The following SH2B2 variants were observed in gnomAD, a reference collection of about 807,000 sequenced individuals.
SH2B2 encodes SH2B adapter protein 2.
In SH2B2, 37 loss-of-function variants were observed where a neutral mutation model predicts 35.7. That is an observed-to-expected ratio of 1.04 (90% confidence interval 0.80 to 1.36). The LOEUF (loss-of-function observed/expected upper bound fraction) is 1.36. Among genes scored for constraint, SH2B2 ranks in the 40% most tolerant of loss-of-function variants. SH2B2 has a pLI of 0.00. For missense variants in SH2B2, 852 were observed against 817.7 expected (o/e 1.04, Z -0.51); for synonymous variants, 383 against 376.4 (o/e 1.02, Z -0.20).
chr7:102,316,486 C>G (rs1283747733), intron 6 of SH2B2, among the ~76,000 whole-genome samples: 1 of 152,084 alleles, frequency 6.6e-6, no homozygotes, highest in Non-Finnish European at 1.5e-5. Flanking sequence ...ACTTGGGAGG[C>G]TGAGGCAGGA....
intron 1 of SH2B2, among the ~76,000 whole-genome samples, chr7:102,288,647 G>T (rs1285521472): frequency 6.6e-6 from 1 of 152,132 alleles, no homozygotes; most frequent in Non-Finnish European, 1.5e-5. Flanking sequence ...TTGGAAGTGG[G>T]ATCTCCACCC....
intron 1 of SH2B2, among the ~76,000 whole-genome samples, chr7:102,290,241 C>T (rs1039589603): frequency 6.9e-6 from 1 of 145,244 alleles, no homozygotes; most frequent in Non-Finnish European, 1.5e-5. Flanking sequence ...CCATACCCCC[C>T]TTTTTTTTTT....
intron 1 of SH2B2, among the ~76,000 whole-genome samples, chr7:102,295,329 ACCG>A (rs1792859432): frequency 6.6e-6 from 1 of 152,148 alleles, no homozygotes; most frequent in Non-Finnish European, 1.5e-5. Flanking sequence ...AGAGGTGGCC[ACCG>A]TCAGGAGCAC....
intron 7 of SH2B2, among the ~76,000 whole-genome samples, chr7:102,318,289 C>T (rs868954574): frequency 2.0e-5 from 3 of 152,082 alleles, no homozygotes; most frequent in African/African-American, 7.2e-5. Flanking sequence ...CAGACACGTA[C>T]CACCACACCT....
At chr7:102,301,902 G>C (rs574576614) in intron 2 of SH2B2, among the ~76,000 whole-genome samples, 10 of 152,144 alleles carry the variant, frequency 6.6e-5, no homozygotes, top group African/African-American at 1.9e-4. Context: ...GACAGGGGCC[G>C]TCACTCAGGC....
intron 1 of SH2B2, among the ~76,000 whole-genome samples, chr7:102,289,727 G>C (rs1554551427): frequency 6.6e-6 from 1 of 151,964 alleles, no homozygotes; most frequent in African/African-American, 2.4e-5. Flanking sequence ...GCACTAAGGG[G>C]GTATCCTGCA....
chr7:102,288,008 C>T (rs1240181691), intron 1 of SH2B2, among the ~76,000 whole-genome samples: 1 of 152,184 alleles, frequency 6.6e-6, no homozygotes, highest in African/African-American at 2.4e-5. Context: ...CTACCAATGC[C>T]CCCGAGCCAA....
At chr7:102,295,176 C>T (rs1023294933) in intron 1 of SH2B2, among the ~76,000 whole-genome samples, 25 of 152,148 alleles carry the variant, frequency 1.6e-4, no homozygotes, top group African/African-American at 2.2e-4. Context: ...GTCTAGGACT[C>T]GGCACTGGGG....
At chr7:102,318,946 A>AC (rs1281646302) in intron 7 of SH2B2, among the ~76,000 whole-genome samples, 2 of 152,152 alleles carry the variant, frequency 1.3e-5, no homozygotes. Flanking sequence ...GGATGGGGGA[A>AC]CAAAGGGTGG....
chr7:102,321,502 AGC>A lies in SH2B2; in HGVS notation c.1777_1778del (p.Arg593GlufsTer?). ...APPRPVEGQL[S>X]ARSRSNSAER... ...CCCGCGCCCCGTCGAGGGCCAGCTC[AGC>A]GCGCGGAGCCGCAGCAACAGCGCCG... On this transcript the variant is annotated frameshift_variant, in exon 9 of 9. Coordinates refer to ENST00000444095, the MANE Select transcript of SH2B2 (RefSeq NM_001359228.2). LOFTEE classifies it low-confidence loss of function (END_TRUNC). The A allele has an allele frequency of 8.7e-7, 1 of 1,151,980 alleles. No homozygotes were observed. The highest frequency in any genetic ancestry group is 1.1e-6 in the Non-Finnish European group (1 of 936,442). The allele number at this position is 1,151,980 out of a possible 1,614,324, so 71.4% of individuals were successfully genotyped here. A position where few individuals can be genotyped will look rare whatever the true frequency, so the allele number is the denominator to read the frequency against.
chr7:102,317,014 C>A, intron 6 of SH2B2, 173 bp from the exon 7 acceptor site: 1 of 591,802 alleles, frequency 1.7e-6, no homozygotes, highest in Non-Finnish European at 2.9e-6. Context: ...AAGAGCGAAA[C>A]TTCGTCTCAA....
intron 6 of SH2B2, 64 bp from the exon 7 acceptor site, chr7:102,317,123 A>T: frequency 4.5e-6 from 6 of 1,323,818 alleles, no homozygotes; most frequent in Non-Finnish European, 6.3e-6. Flanking sequence ...CTCTTCTCAC[A>T]TTTATTTATT....
At position 102,301,192 on chromosome 7, in the gene SH2B2, C is replaced by T. The variant is rs782628344; in HGVS notation, c.642C>T (p.Gly214=). 2.5e-6 allele frequency: 4 copies of T among 1,587,848 alleles called. No homozygotes were observed. The highest frequency in any genetic ancestry group is 2.6e-6 in the Non-Finnish European group (3 of 1,169,096). The change falls in exon 2 of 9, where the codon GGC becomes GGT. Residue 214 remains glycine (G), a synonymous_variant. Coordinates refer to ENST00000444095, the MANE Select transcript of SH2B2 (RefSeq NM_001359228.2). ...VADDAAAGSG[G]SAQWQKCRLL... is the part of the protein sequence containing the mutation. ...ACGACGCGGCCGCGGGCTCCGGGGG[C>T]TCGGCTCAGTGGCAGAAGTGCCGCC...
upstream of SH2B2, chr7:102,285,153 C>T: frequency 3.2e-6 from 5 of 1,547,808 alleles, no homozygotes; most frequent in South Asian, 1.2e-5. Context: ...TTCTTCCTCC[C>T]TGGGGATGGA....
chr7:102,286,826 C>G (rs1318804640), upstream of SH2B2: 4 of 1,168 alleles, frequency 3.4e-3, no homozygotes, highest in Non-Finnish European at 6.7e-3. Context: ...GGGGCGGGGG[C>G]GGGGCGGGGC....
rs1426202125 is a variant in SH2B2 at position 102,297,041 on chromosome 7, C to T, written c.-29-3481C>T. Among the ~76,000 whole-genome samples, 1 of 152,110 alleles carries T rather than the reference C, an allele frequency of 6.6e-6. No homozygotes were observed. The highest frequency in any genetic ancestry group is 1.5e-5 in the Non-Finnish European group (1 of 68,032). Reference sequence around the variant, plus strand: ...TCCACAGCTTTGCTTTCCAAGGCTTCAGATACCCGTGGTCAACAGAGGTCT... The same window carrying T: ...TCCACAGCTTTGCTTTCCAAGGCTTTAGATACCCGTGGTCAACAGAGGTCT... On this transcript the variant is annotated intron_variant, in intron 1 of 8. Coordinates refer to ENST00000444095, the MANE Select transcript of SH2B2 (RefSeq NM_001359228.2). The surrounding 1 kb of genome is among the most constrained non-coding windows in gnomAD (Gnocchi z 4.3).
intron 3 of SH2B2, among the ~76,000 whole-genome samples, chr7:102,308,067 G>A (rs372394643): frequency 1.2e-4 from 19 of 152,246 alleles, no homozygotes; most frequent in African/African-American, 3.6e-4. Context: ...CACCGCGCCC[G>A]GCCCAGCAAC....
At chr7:102,292,388 G>A (rs1298714578) in intron 1 of SH2B2, among the ~76,000 whole-genome samples, 2 of 152,102 alleles carry the variant, frequency 1.3e-5, no homozygotes, top group Admixed American at 6.5e-5. Context: ...AAAATTAGCC[G>A]GGCTTGGTAG....
In SH2B2 at chr7:102,320,355, C is replaced by T. The variant is rs532673440; in HGVS notation, c.1420C>T (p.His474Tyr). 2 of 1,612,550 alleles carry T rather than the reference C, an allele frequency of 1.2e-6. No homozygotes were observed. Among genetic ancestry groups the T allele is most frequent in the South Asian group, 2.2e-5 (2 of 91,084 alleles). The change falls in exon 8 of 9, where the codon CAC (histidine) becomes TAC (tyrosine). Residue 474 changes from histidine (H) to tyrosine (Y), a missense_variant. By Grantham distance (83) the His-to-Tyr change is moderately conservative. This residue lies in a region of SH2B2 where 556 missense variants were observed against 514.5 expected (regional missense o/e 1.08). Coordinates refer to ENST00000444095, the MANE Select transcript of SH2B2 (RefSeq NM_001359228.2). ...AKHLRLSLNG[H>Y]GQCHVQHLWF... is the part of the protein sequence containing the mutation. ...GCACCTGCGCCTGTCCCTGAACGGC[C>T]ACGGCCAGTGTCACGTACAGCATCT...
Sources: allele counts gnomAD v4.1 joint callset (sites outside exome capture counted in the v4.1 genomes callset), GRCh38; gene constraint gnomAD v4.1.1; regional missense constraint gnomAD v4.1.1; non-coding constraint Gnocchi (gnomAD v3.1); transcripts MANE v1.5; gene names NCBI Gene and HGNC (gene_info 2026-07-23, HGNC 2026-07-21).